Variants in NIN observed in about 807,000 individuals in gnomAD.
The protein encoded by NIN is glycogen synthase kinase 3 beta-interacting protein.
A neutral mutation model predicts 257.6 loss-of-function variants in NIN; 137 were observed. The ratio of observed to expected loss-of-function variants is 0.53; its 90% CI spans 0.46 to 0.61. The LOEUF (loss-of-function observed/expected upper bound fraction) is 0.61. Among genes scored for constraint, NIN ranks in the 20% least tolerant of loss-of-function variants. The probability of loss-of-function intolerance (pLI) is 0.00; values close to 1 mark genes in which losing one functional copy is unlikely to be tolerated. For missense variants in NIN, 2,439 were observed against 2,501.2 expected, an observed-to-expected ratio of 0.98 and a Z score of 0.53; for synonymous variants, 918 against 919.8, an observed-to-expected ratio of 1.00 and a Z score of 0.04.
chr14:50,760,037 C>T lies in NIN; in HGVS notation c.2219G>A (p.Arg740Gln), dbSNP rs1467525890. 6 of 1,614,080 alleles carry T rather than the reference C, an allele frequency of 3.7e-6. No individual in the cohort carries two copies. Among genetic ancestry groups the T allele is most frequent in the East Asian group, 2.2e-5 (1 of 44,896 alleles). The change falls in exon 17 of 31, where the codon CGG becomes CAG. Residue 740 changes from arginine to glutamine, a missense_variant. Arg to Gln is a conservative substitution (Grantham distance 43). Coordinates refer to ENST00000530997, the MANE Select transcript of NIN (RefSeq NM_020921.4). ...GCTACTCTGAAGGCCTTCCCTCTCC[C>T]GCTCAAAGCTTGCTTGAGCCTGTGT... ...RLTQAQASFE[R>Q]EREGLQSSAW... is the part of the protein sequence containing the mutation.
At chr14:50,808,139 C>T (rs763392715) in intron 3 of NIN, among the ~76,000 whole-genome samples, 25 of 152,156 alleles carry the variant, frequency 1.6e-4, no homozygotes, top group Non-Finnish European at 3.2e-4. Flanking sequence ...TCAAGGAAAA[C>T]CAGGCACCTG....
intron 7 of NIN, among the ~76,000 whole-genome samples, chr14:50,773,798 G>C (rs2042819647): frequency 6.6e-6 from 1 of 152,304 alleles, no homozygotes; most frequent in South Asian, 2.1e-4. Flanking sequence ...TAATCAAATA[G>C]CCCCTATCCT....
At chr14:50,784,674 C>A (rs1193688665) in intron 5 of NIN, among the ~76,000 whole-genome samples, 3 of 152,176 alleles carry the variant, frequency 2.0e-5, no homozygotes, top group Non-Finnish European at 4.4e-5. Flanking sequence ...TTAGTTATTT[C>A]ACAATGTATC....
At chr14:50,735,397 G>T in intron 28 of NIN, 119 bp downstream of exon 28, 1 of 1,366,678 alleles carries the variant, frequency 7.3e-7, no homozygotes, top group Non-Finnish European at 9.7e-7. Flanking sequence ...ATTCAACTTG[G>T]CAGTGTACTT....
Position 50,760,198 on chromosome 14 carries a change from G to A in NIN, c.2058C>T (p.Leu686=). The A allele has an allele frequency of 3.1e-6, 5 of 1,613,914 alleles. No homozygotes were observed. Among genetic ancestry groups the A allele is most frequent in the East Asian group, 2.2e-5 (1 of 44,852 alleles). ...IAELQGQAAV[L]KEAHHEATCR... ...AAGTGGCCTCATGATGTGCCTCCTT[G>A]AGCACTGCTGCTTGCCCCTGAAGTT... Residue 686 remains leucine (L), a synonymous_variant, in exon 17 of 31, where the codon CTC becomes CTT. Transcript: ENST00000530997.
In NIN at chr14:50,823,904, A is replaced by G. The variant is rs529698667; in HGVS notation, c.-21-1827T>C. 1.2e-4 allele frequency among the ~76,000 whole-genome samples: 18 copies of G among 152,346 alleles called. No individual in the cohort carries two copies. In the East Asian group the frequency reaches 3.1e-3, roughly 26 times the overall value. On this transcript the variant is annotated intron_variant, in intron 2 of 30. Transcript: ENST00000530997. ...GAAAAGAAACACCAAGTTGTTATGCAAAGCCACAGGAGTTAAGAATTTAGA... is the reference window on the plus strand; with the variant it reads ...GAAAAGAAACACCAAGTTGTTATGCGAAGCCACAGGAGTTAAGAATTTAGA...
In NIN at chr14:50,758,387, C is replaced by T; in HGVS notation, c.2643G>A (p.Lys881=). ...GGACCAGAGAAGTTGTTTTCTCTCT[C>T]TTAAGAGTCTCTTTCAGCAGCTCCT... ...EAQELLKETL[K]REKTTSLVLT... Residue 881 remains lysine (K), a synonymous_variant, in exon 18 of 31, where the codon AAG becomes AAA. Transcript: ENST00000530997. The T allele has an allele frequency of 1.9e-6, 3 of 1,614,068 alleles. No individual in the cohort carries two copies. Among genetic ancestry groups the T allele is most frequent in the Non-Finnish European group, 2.5e-6 (3 of 1,179,890 alleles).
rs1001768572 is a variant in NIN at position 50,720,920 on chromosome 14, G to A, written c.*2543C>T. The stretch of plus-strand genomic sequence containing the variant: ...TAAATCAAAAAGTTTGAAAATCAGT[G>A]CTTTTAATAAGCAACTAAATGCCTA... On this transcript the variant is annotated 3_prime_UTR_variant, in exon 31 of 31. Coordinates refer to ENST00000530997, the MANE Select transcript of NIN (RefSeq NM_020921.4). 2 of 196,116 alleles carry A rather than the reference G, an allele frequency of 1.0e-5. No homozygotes were observed. The highest frequency in any genetic ancestry group is 2.1e-5 in the Non-Finnish European group (2 of 94,554). The allele number at this position is 196,116 out of a possible 1,614,324, so 12.1% of individuals were successfully genotyped here.
intron 2 of NIN, among the ~76,000 whole-genome samples, chr14:50,828,182 G>A (rs895725013): frequency 6.6e-6 from 1 of 151,754 alleles, no homozygotes; most frequent in African/African-American, 2.4e-5. Flanking sequence ...TAGGATGCCT[G>A]AGGCTATGAG....
intron 5 of NIN, among the ~76,000 whole-genome samples, chr14:50,784,205 G>A (rs548379747): frequency 2.4e-4 from 36 of 152,296 alleles, no homozygotes; most frequent in African/African-American, 7.7e-4. Context: ...ACCTTACAAC[G>A]TGAGGAGGAC....
At position 50,770,960 on chromosome 14, in the gene NIN, T is replaced by C; in HGVS notation, c.1151A>G (p.Glu384Gly). Reference protein sequence around the residue: ...ERVDQVVREKEKLRSDLDKAE... With the variant: ...ERVDQVVREKGKLRSDLDKAE... ...CTTGTCCAGATCTGACCGTAGCTTC[T>C]CTTTTTCTCTGACCACCTGATCAAC... is the stretch of plus-strand genomic sequence containing the variant. Residue 384 changes from glutamate (E) to glycine (G), a missense_variant, in exon 11 of 31, where the codon GAG (glutamate) becomes GGG (glycine). By Grantham distance (98) the Glu-to-Gly change is moderately conservative. This residue lies in a region of NIN where 2,043 missense variants were observed against 2,050.2 expected (regional missense o/e 1.00). Coordinates refer to ENST00000530997, the MANE Select transcript of NIN (RefSeq NM_020921.4). 2.5e-6 allele frequency: 4 copies of C among 1,614,178 alleles called. No individual in the cohort carries two copies. In the South Asian group the frequency reaches 4.4e-5, roughly 18 times the overall value.
intron 22 of NIN, among the ~76,000 whole-genome samples, chr14:50,744,726 C>T (rs1439784596): frequency 6.6e-6 from 1 of 152,118 alleles, no homozygotes; most frequent in Non-Finnish European, 1.5e-5. Context: ...ATCACTTGAC[C>T]TCAGGAGTTT....
At chr14:50,801,881 G>A (rs753674403) in intron 4 of NIN, among the ~76,000 whole-genome samples, 23 of 152,162 alleles carry the variant, frequency 1.5e-4, no homozygotes, top group Non-Finnish European at 1.5e-5. Flanking sequence ...TAAACAAAGA[G>A]ACATTTCCAA....
intron 14 of NIN, among the ~76,000 whole-genome samples, chr14:50,764,474 C>T (rs1040990078): frequency 2.6e-5 from 4 of 152,156 alleles, no homozygotes; most frequent in African/African-American, 7.2e-5. Context: ...CATAGGGTTA[C>T]CATACAACCT....
chr14:50,783,615 G>T (rs566963266), intron 5 of NIN, among the ~76,000 whole-genome samples: 21 of 151,930 alleles, frequency 1.4e-4, no homozygotes, highest in Middle Eastern at 3.4e-3. Context: ...AAAAGCACAG[G>T]GTGGCTGAGC....
At position 50,722,091 on chromosome 14, in the gene NIN, G is replaced by C; in HGVS notation, c.*1372C>G. 2 of 228,686 alleles carry C rather than the reference G, an allele frequency of 8.7e-6. No homozygotes were observed. The highest frequency in any genetic ancestry group is 8.7e-6 in the Non-Finnish European group (1 of 115,062). 14.2% of individuals were successfully genotyped at this position (228,686 alleles called of 1,614,324 possible). On this transcript the variant is annotated 3_prime_UTR_variant, in exon 31 of 31. Coordinates refer to ENST00000530997, the MANE Select transcript of NIN (RefSeq NM_020921.4). ...CAAGCAGGTTGTTGTGATGAACTTG[G>C]AAAGTGCCCTGCACCTAGTAAGTCT...
intron 28 of NIN, among the ~76,000 whole-genome samples, chr14:50,730,251 AT>A (rs1291972199): frequency 8.5e-5 from 13 of 152,204 alleles, no homozygotes; most frequent in Admixed American, 8.5e-4. Context: ...ATACCCTTAG[AT>A]TAAACAGCAC....
intron 2 of NIN, chr14:50,823,373 CTTTAATCCAAGCCAAA>C: frequency 2.0e-6 from 1 of 504,588 alleles, no homozygotes; most frequent in Non-Finnish European, 4.0e-6. Context: ...AACCAAGCAT[CTTTAATCCAAGCCAAA>C]TTACAGAACT....
At chr14:50,748,151 G>A (rs759605811) in intron 21 of NIN, 46 bp from the exon 22 acceptor site, 1 of 1,338,922 alleles carries the variant, frequency 7.5e-7, no homozygotes, top group Non-Finnish European at 1.1e-6. Context: ...ACATATTTAG[G>A]CTGGGGAAAC....
Sources: allele counts gnomAD v4.1 joint callset (sites outside exome capture counted in the v4.1 genomes callset), GRCh38; gene constraint gnomAD v4.1.1; regional missense constraint gnomAD v4.1.1; transcripts MANE v1.5; gene names NCBI Gene and HGNC (gene_info 2026-07-23, HGNC 2026-07-21).